Variants in ATP8B1 observed in about 807,000 individuals in gnomAD.
ATP8B1 encodes the protein phospholipid-transporting ATPase IC.
In ATP8B1, 80 loss-of-function variants were observed where a neutral mutation model predicts 149.9. The ratio of observed to expected loss-of-function variants is 0.53; its 90% CI spans 0.45 to 0.64. The LOEUF is 0.64. Among genes scored for constraint, ATP8B1 ranks in the 30% least tolerant of loss-of-function variants. ATP8B1 has a pLI of 0.00. For synonymous variants in ATP8B1, 536 were observed against 562.8 expected, an observed-to-expected ratio of 0.95 and a Z score of 0.67; for missense variants, 1,247 against 1,552.6, an observed-to-expected ratio of 0.80 and a Z score of 3.31.
chr18:57,651,167 C>T (rs547296906), intron 26 of ATP8B1, among the ~76,000 whole-genome samples: 1 of 152,230 alleles, frequency 6.6e-6, no homozygotes, highest in African/African-American at 2.4e-5. Context: ...AGTGCAGTGG[C>T]GTGATCATGG....
At position 57,648,592 on chromosome 18, in the gene ATP8B1, C is replaced by T; in HGVS notation, c.3652G>A (p.Ala1218Thr). 1.9e-6 allele frequency: 3 copies of T among 1,611,230 alleles called. No homozygotes were observed. The highest frequency in any genetic ancestry group is 2.5e-6 in the Non-Finnish European group (3 of 1,179,812). The change falls in exon 28 of 28, where the codon GCG becomes ACG. Residue 1218 changes from alanine to threonine, a missense_variant. Coordinates refer to ENST00000648908, the MANE Select transcript of ATP8B1 (RefSeq NM_001374385.1). ...CTGCGCCCGGAGGAGATGAGGTCCGCGTAGCCCCGCTGGTGCGAGAAGGCG... is the reference window on the plus strand; with the variant it reads ...CTGCGCCCGGAGGAGATGAGGTCCGTGTAGCCCCGCTGGTGCGAGAAGGCG... ...AYAFSHQRGY[A>T]DLISSGRSIR...
chr18:57,761,076 T>TA lies in ATP8B1; in HGVS notation c.-25-29245dup, dbSNP rs1453798692. ...TAACATAAAATAACATAAAATAAAA[T>TA]AAATAAAATAAAATAAAATAAAAAA... On this transcript the variant is annotated intron_variant, in intron 1 of 27. Transcript: ENST00000648908. 2.6e-4 allele frequency among the ~76,000 whole-genome samples: 23 copies of TA among 88,924 alleles called. 2 individuals are homozygous for TA. The highest frequency in any genetic ancestry group is 9.7e-4 in the African/African-American group (19 of 19,538). The allele number at this position is 88,924 out of a possible 152,430, so 58.3% of individuals were successfully genotyped here.
intron 2 of ATP8B1, among the ~76,000 whole-genome samples, chr18:57,714,308 G>GTCCATGGCTCCCAGA (rs1913893325): frequency 1.5e-5 from 2 of 132,224 alleles, no homozygotes; most frequent in South Asian, 4.9e-4. Context: ...TTGGACTCCA[G>GTCCATGGCTCCCAGA]TCCATGGCTC....
At chr18:57,672,618 G>T (rs1027047381) in intron 16 of ATP8B1, among the ~76,000 whole-genome samples, 1 of 151,916 alleles carries the variant, frequency 6.6e-6, no homozygotes, top group African/African-American at 2.4e-5. Context: ...TGTAATCCCA[G>T]CACTCTGGGA....
chr18:57,672,192 T>C (rs1048975552), intron 16 of ATP8B1, among the ~76,000 whole-genome samples: 4 of 152,248 alleles, frequency 2.6e-5, no homozygotes, highest in Non-Finnish European at 5.9e-5. Context: ...CTAGTTACTT[T>C]CTTTTGTAGA....
chr18:57,788,216 A>G (rs914288150), intron 1 of ATP8B1, among the ~76,000 whole-genome samples: 1 of 152,148 alleles, frequency 6.6e-6, no homozygotes, highest in African/African-American at 2.4e-5. Flanking sequence ...TTACAATGAG[A>G]GGGTATCCTA....
At chr18:57,770,281 G>A (rs2080253285) in intron 1 of ATP8B1, among the ~76,000 whole-genome samples, 1 of 152,160 alleles carries the variant, frequency 6.6e-6, no homozygotes, top group African/African-American at 2.4e-5. Flanking sequence ...CCTCAGCCTA[G>A]CAAGCTTCCC....
intron 2 of ATP8B1, among the ~76,000 whole-genome samples, chr18:57,731,085 G>A (rs1207913091): frequency 6.6e-6 from 1 of 151,924 alleles, no homozygotes; most frequent in Non-Finnish European, 1.5e-5. Flanking sequence ...CTTGAGCTCA[G>A]GAGTTTGAGA....
chr18:57,673,482 G>A (rs190945299), intron 16 of ATP8B1, among the ~76,000 whole-genome samples: 53 of 152,148 alleles, frequency 3.5e-4, no homozygotes, highest in African/African-American at 1.3e-3. Flanking sequence ...TTAGGGGAAA[G>A]GGACATTAGG....
intron 1 of ATP8B1, among the ~76,000 whole-genome samples, chr18:57,751,109 C>A (rs1164923448): frequency 2.0e-5 from 3 of 151,966 alleles, no homozygotes; most frequent in Non-Finnish European, 4.4e-5. Flanking sequence ...GGTAACAGAG[C>A]AAGACTATCT....
intron 2 of ATP8B1, among the ~76,000 whole-genome samples, chr18:57,727,177 C>T (rs1046403322): frequency 1.3e-5 from 2 of 152,174 alleles, no homozygotes; most frequent in Non-Finnish European, 2.9e-5. Context: ...TGCAGGAATA[C>T]CCCTCACCCT....
intron 2 of ATP8B1, among the ~76,000 whole-genome samples, chr18:57,725,678 C>T (rs545085477): frequency 4.0e-4 from 61 of 152,258 alleles, no homozygotes; most frequent in African/African-American, 1.4e-3. Context: ...GGCATAAAAA[C>T]AGACACACAG....
At chr18:57,692,260 CTT>C (rs1385849361) in intron 11 of ATP8B1, among the ~76,000 whole-genome samples, 1 of 152,012 alleles carries the variant, frequency 6.6e-6, no homozygotes, top group Non-Finnish European at 1.5e-5. Context: ...AAGGTGGTGT[CTT>C]ATATTCAAAT....
chr18:57,695,190 G>T lies in ATP8B1; in HGVS notation c.921C>A (p.His307Gln), dbSNP rs747429748. The T allele has an allele frequency of 6.2e-7, 1 of 1,614,096 alleles. No homozygotes were observed. Among genetic ancestry groups the T allele is most frequent in the East Asian group, 2.2e-5 (1 of 44,862 alleles). ...ACGTACCTGCAAAAATGACTAAGCC[G>T]TGGCAGAAATCGGTGTTCCTAATTA... ...GCVIRNTDFC[H>Q]GLVIFAGADT... Residue 307 changes from histidine (H) to glutamine (Q), a missense_variant, in exon 10 of 28, where the codon CAC becomes CAA. Coordinates refer to ENST00000648908, the MANE Select transcript of ATP8B1 (RefSeq NM_001374385.1).
chr18:57,700,975 A>C (rs1256604776), intron 6 of ATP8B1, 64 bp downstream of exon 6: 7 of 1,438,232 alleles, frequency 4.9e-6, no homozygotes, highest in Non-Finnish European at 5.9e-6. Flanking sequence ...TTATCTCTGA[A>C]TGTGTTTCTA....
At chr18:57,692,081 A>G in intron 11 of ATP8B1, 84 bp from the exon 12 acceptor site, 2 of 1,543,284 alleles carry the variant, frequency 1.3e-6, no homozygotes, top group Non-Finnish European at 8.7e-7. Flanking sequence ...AACCTTACTC[A>G]ATACTTCATA....
chr18:57,756,803 G>A (rs562967309), intron 1 of ATP8B1, among the ~76,000 whole-genome samples: 11 of 152,338 alleles, frequency 7.2e-5, no homozygotes, highest in Non-Finnish European at 1.5e-4. Context: ...CTGGAGGCAC[G>A]TGAGGTCTCT....
chr18:57,732,929 CACTA>C (rs2079803780), intron 1 of ATP8B1, among the ~76,000 whole-genome samples: 1 of 152,188 alleles, frequency 6.6e-6, no homozygotes, highest in African/African-American at 2.4e-5. Context: ...TTTCTGCTAA[CACTA>C]ACGTCCTGAG....
chr18:57,789,913 C>A (rs572151334), intron 1 of ATP8B1, among the ~76,000 whole-genome samples: 1 of 152,298 alleles, frequency 6.6e-6, no homozygotes, highest in Non-Finnish European at 1.5e-5. Flanking sequence ...TAAACCCAAT[C>A]CTATGTTGCA....
Sources: gnomAD v4.1 joint callset for allele counts (sites outside exome capture counted in the v4.1 genomes callset) on GRCh38, gnomAD v4.1.1 for gene constraint, MANE v1.5 for transcripts, NCBI Gene and HGNC (gene_info 2026-07-23, HGNC 2026-07-21) for gene names.